GLUL: variants seen among roughly 807,000 people sequenced by gnomAD.
GLUL encodes glutamine synthetase.
Under a neutral mutation model 36.9 loss-of-function variants are expected in GLUL, and 8 were observed. That is an observed-to-expected ratio of 0.22 (90% CI 0.13 to 0.39). The LOEUF (loss-of-function observed/expected upper bound fraction) is 0.39. Ranked by LOEUF, GLUL falls within the 10% of genes least tolerant of loss-of-function variation. GLUL has a pLI of 1.00. For synonymous variants in GLUL, 182 were observed against 172.8 expected, an observed-to-expected ratio of 1.05 and a Z score of -0.42; for missense variants, 315 against 501.8, an observed-to-expected ratio of 0.63 and a Z score of 3.56.
Position 182,380,580 on chromosome 1 carries a change from G to A in GLUL, c.*3825C>T, listed in dbSNP as rs909639538. Among the ~76,000 whole-genome samples the A allele has an allele frequency of 2.0e-5, 3 of 152,228 alleles. No homozygotes were observed. Among genetic ancestry groups the A allele is most frequent in the Non-Finnish European group, 4.4e-5 (3 of 68,052 alleles). On this transcript the variant is annotated 3_prime_UTR_variant, in exon 7 of 7. Coordinates refer to ENST00000331872, the MANE Select transcript of GLUL (RefSeq NM_001033044.4). ...CAAAGTGTTGGGATCACAGGCGTAA[G>A]CCACTTCACCTGGCCTTGATTCTTT...
Position 182,384,245 on chromosome 1 carries a change from C to T in GLUL, c.*160G>A. 2 of 693,278 alleles carry T rather than the reference C, an allele frequency of 2.9e-6. No individual in the cohort carries two copies. The highest frequency in any genetic ancestry group is 2.6e-6 in the Non-Finnish European group (1 of 379,154). 42.9% of individuals were successfully genotyped at this position (693,278 alleles called of 1,614,324 possible). ...AATTAATAACTTGACCCCTCTATCC[C>T]AGCCAAACAAAGAAAGCAAGATTAA... is the stretch of plus-strand genomic sequence containing the variant. On this transcript the variant is annotated 3_prime_UTR_variant, in exon 7 of 7. Transcript: ENST00000331872.
At chr1:182,390,812 GT>G in intron 1 of GLUL, 1 of 398,952 alleles carries the variant, frequency 2.5e-6, no homozygotes, top group Non-Finnish European at 4.4e-6. Flanking sequence ...ATTTTCATTC[GT>G]TGCTTTCTTC....
intron 4 of GLUL, 155 bp from the exon 5 acceptor site, chr1:182,386,042 C>A: frequency 1.1e-6 from 1 of 885,898 alleles, no homozygotes; most frequent in Non-Finnish European, 1.9e-6. Flanking sequence ...GGGAGTTCCT[C>A]TTCACCACAG....
chr1:182,383,511 C>T lies in GLUL; in HGVS notation c.*894G>A, dbSNP rs573813239. Reference sequence around the variant, plus strand: ...TGTCTGTTAACTAATCCAGTGCCCACCTTCTCCAGAGGGTGGGCAGGGCAG... The same window carrying T: ...TGTCTGTTAACTAATCCAGTGCCCATCTTCTCCAGAGGGTGGGCAGGGCAG... On this transcript the variant is annotated 3_prime_UTR_variant, in exon 7 of 7. Coordinates refer to ENST00000331872, the MANE Select transcript of GLUL (RefSeq NM_001033044.4). 3 of 152,262 alleles carry T rather than the reference C, an allele frequency of 2.0e-5. No individual in the cohort carries two copies. Among genetic ancestry groups the T allele is most frequent in the South Asian group, 2.1e-4 (1 of 4,820 alleles). The allele number at this position is 152,262 out of a possible 1,614,324, so 9.4% of individuals were successfully genotyped here. A position where few individuals can be genotyped will look rare whatever the true frequency, so the allele number is the denominator to read the frequency against.
rs1459871755 is a variant in GLUL, at chr1:182,384,393, G to A, written c.*12C>T. On this transcript the variant is annotated 3_prime_UTR_variant, in exon 7 of 7. Transcript: ENST00000331872. ...AACTAGGAGGGGCTCAACAGCTGGA[G>A]GTCTAGTCCACTTAATTTTTGTACT... 1 of 1,578,722 alleles carries A rather than the reference G, an allele frequency of 6.3e-7. No individual in the cohort carries two copies. The highest frequency in any genetic ancestry group is 2.2e-5 in the East Asian group (1 of 44,714).
At position 182,382,796 on chromosome 1, in the gene GLUL, C is replaced by T. The variant is rs370182159; in HGVS notation, c.*1609G>A. The T allele has an allele frequency of 1.3e-5, 2 of 152,122 alleles. No homozygotes were observed. Among genetic ancestry groups the T allele is most frequent in the African/African-American group, 4.8e-5 (2 of 41,406 alleles). The allele number at this position is 152,122 out of a possible 1,614,324, so 9.4% of individuals were successfully genotyped here. On this transcript the variant is annotated 3_prime_UTR_variant, in exon 7 of 7. Coordinates refer to ENST00000331872, the MANE Select transcript of GLUL (RefSeq NM_001033044.4). ...ACATCACTCCAGTGTTTTAAAAACT[C>T]AGAGTACATAAACTTGAGCTTATTT...
chr1:182,387,021 A>G (rs1650211073), intron 3 of GLUL, 110 bp downstream of exon 3: 1 of 849,882 alleles, frequency 1.2e-6, no homozygotes. Context: ...TTCTTAAAAT[A>G]GTGCTGAAAT....
chr1:182,391,014 G>A (rs2101939432), intron 1 of GLUL: 1 of 396,510 alleles, frequency 2.5e-6, no homozygotes, highest in East Asian at 3.6e-5. Context: ...GGGTCCGGGG[G>A]AGGGTGGGGG....
chr1:182,385,341 A>G lies in GLUL; in HGVS notation c.803+16T>C, dbSNP rs1404076070. 4 of 1,591,502 alleles carry G rather than the reference A, an allele frequency of 2.5e-6. No homozygotes were observed. Among genetic ancestry groups the G allele is most frequent in the African/African-American group, 1.3e-5 (1 of 74,438 alleles). On this transcript the variant is annotated intron_variant, in intron 6 of 6. Coordinates refer to ENST00000331872, the MANE Select transcript of GLUL (RefSeq NM_001033044.4). ...GCCACAGGAGATTAAAGATGGCCCCAGCAGAAGGTACTCACTTCAGACCAT... is the reference window on the plus strand; with the variant it reads ...GCCACAGGAGATTAAAGATGGCCCCGGCAGAAGGTACTCACTTCAGACCAT...
Position 182,382,542 on chromosome 1 carries a change from A to G in GLUL, c.*1863T>C, listed in dbSNP as rs938472241. 2 of 152,176 alleles carry G rather than the reference A, an allele frequency of 1.3e-5. No individual in the cohort carries two copies. The highest frequency in any genetic ancestry group is 2.4e-5 in the African/African-American group (1 of 41,426). 9.4% of individuals were successfully genotyped at this position (152,176 alleles called of 1,614,324 possible). ...AAATCGTAAAGCCAGTTAATCTTAC[A>G]TTATGTTAGGCTATTGTATTAGGCT... On this transcript the variant is annotated 3_prime_UTR_variant, in exon 7 of 7. Coordinates refer to ENST00000331872, the MANE Select transcript of GLUL (RefSeq NM_001033044.4).
rs1239576951 is a variant in GLUL, at chr1:182,379,309, G to A, written c.*5096C>T. On this transcript the variant is annotated 3_prime_UTR_variant, in exon 7 of 7. Transcript: ENST00000331872. ...GTGATCTTTGCTTACTGTAACCTCT[G>A]CCTCCCTGGCTCCAGCGATCCTCCT... is the stretch of plus-strand genomic sequence containing the variant. Among the ~76,000 whole-genome samples the A allele has an allele frequency of 6.6e-6, 1 of 151,638 alleles. No homozygotes were observed. The highest frequency in any genetic ancestry group is 1.5e-5 in the Non-Finnish European group (1 of 67,926).
intron 2 of GLUL, 133 bp from the exon 3 acceptor site, chr1:182,387,425 C>T (rs1650231401): frequency 2.7e-6 from 2 of 751,632 alleles, no homozygotes; most frequent in East Asian, 2.6e-5. Flanking sequence ...GGTATAAATG[C>T]CATCATTAAT....
Position 182,378,817 on chromosome 1 carries a change from G to C in GLUL, c.*5588C>G, listed in dbSNP as rs1317426282. 6.6e-6 allele frequency among the ~76,000 whole-genome samples: 1 copy of C among 151,946 alleles called. No homozygotes were observed. The highest frequency in any genetic ancestry group is 2.4e-5 in the African/African-American group (1 of 41,336). On this transcript the variant is annotated 3_prime_UTR_variant, in exon 7 of 7. Coordinates refer to ENST00000331872, the MANE Select transcript of GLUL (RefSeq NM_001033044.4). ...TCTTGAGATGGAGTCACACTCTGTT[G>C]CCTAGGCTGGAGTGCAATGGTGCAA...
chr1:182,380,109 A>G lies in GLUL; in HGVS notation c.*4296T>C, dbSNP rs1330250615. Reference sequence around the variant, plus strand: ...GTGATCCACCTGCCTCGGCCTCTCAAGGTGCTGGGATTATAGGCATGAGCC... The same window carrying G: ...GTGATCCACCTGCCTCGGCCTCTCAGGGTGCTGGGATTATAGGCATGAGCC... On this transcript the variant is annotated 3_prime_UTR_variant, in exon 7 of 7. Coordinates refer to ENST00000331872, the MANE Select transcript of GLUL (RefSeq NM_001033044.4). 6.6e-6 allele frequency among the ~76,000 whole-genome samples: 1 copy of G among 152,086 alleles called. No homozygotes were observed. The highest frequency in any genetic ancestry group is 2.4e-5 in the African/African-American group (1 of 41,394).
intron 1 of GLUL, chr1:182,389,656 G>T (rs1650324922): frequency 2.0e-5 from 3 of 152,098 alleles, no homozygotes; most frequent in African/African-American, 7.2e-5. Flanking sequence ...CAAAACCTCC[G>T]AAAGAAGAGA....
chr1:182,384,788 C>T (rs1378920517), intron 6 of GLUL, 65 bp from the exon 7 acceptor site: 7 of 1,173,554 alleles, frequency 6.0e-6, no homozygotes, highest in Admixed American at 1.7e-5. Context: ...GAATGAAGTG[C>T]ACCAAAATAT....
Position 182,384,634 on chromosome 1 carries a change from C to T in GLUL, c.893G>A (p.Arg298Gln). The T allele has an allele frequency of 6.2e-7, 1 of 1,614,106 alleles. No individual in the cohort carries two copies. The highest frequency in any genetic ancestry group is 8.5e-7 in the Non-Finnish European group (1 of 1,179,968). The change falls in exon 7 of 7, where the codon CGA becomes CAA. Residue 298 changes from arginine (R) to glutamine (Q), a missense_variant. Around this residue, in one of 3 missense-constraint regions of GLUL, gnomAD observed 256 missense variants for 396.1 expected, o/e 0.65. Coordinates refer to ENST00000331872, the MANE Select transcript of GLUL (RefSeq NM_001033044.4). ...GGTTTCATGGAATCCAGTTAGACGT[C>T]GGGCATTGTCCAGGCCTCCCTTGGG... Reference protein sequence around the residue: ...YDPKGGLDNARRLTGFHETSN... With the variant: ...YDPKGGLDNAQRLTGFHETSN...
In GLUL at chr1:182,380,124, A is replaced by G. The variant is rs2101925444; in HGVS notation, c.*4281T>C. 6.6e-6 allele frequency among the ~76,000 whole-genome samples: 1 copy of G among 152,334 alleles called. No homozygotes were observed. Among genetic ancestry groups the G allele is most frequent in the East Asian group, 1.9e-4 (1 of 5,182 alleles). On this transcript the variant is annotated 3_prime_UTR_variant, in exon 7 of 7. Coordinates refer to ENST00000331872, the MANE Select transcript of GLUL (RefSeq NM_001033044.4). ...CGGCCTCTCAAGGTGCTGGGATTAT[A>G]GGCATGAGCCACTGTGCCTGGCAGT...
intron 3 of GLUL, 102 bp from the exon 4 acceptor site, chr1:182,386,504 G>T: frequency 1.1e-6 from 1 of 932,902 alleles, no homozygotes; most frequent in Non-Finnish European, 1.8e-6. Context: ...TACAACTGAG[G>T]TGTGCACTAT....
Sources: gnomAD v4.1 joint callset for allele counts (sites outside exome capture counted in the v4.1 genomes callset) on GRCh38, gnomAD v4.1.1 for gene constraint, gnomAD v4.1.1 regional missense constraint, MANE v1.5 for transcripts, NCBI Gene and HGNC (gene_info 2026-07-23, HGNC 2026-07-21) for gene names.